Variants in BMP2K observed in about 807,000 individuals in gnomAD.
BMP2K encodes the protein BMP-2-inducible protein kinase.
Under a neutral mutation model 116.0 loss-of-function variants are expected in BMP2K, and 74 were observed. The ratio of observed to expected loss-of-function variants is 0.64; its 90% CI spans 0.53 to 0.77. The LOEUF (loss-of-function observed/expected upper bound fraction) is 0.77. BMP2K is among the 30% of genes least tolerant of loss of function. BMP2K has a pLI of 0.00. For synonymous variants in BMP2K, 486 were observed against 502.5 expected (o/e 0.97, Z 0.44); for missense variants, 1,365 against 1,403.6 (o/e 0.97, Z 0.44).
chr4:78,793,279 G>T (rs1426981880), intron 1 of BMP2K, among the ~76,000 whole-genome samples: 1 of 151,474 alleles, frequency 6.6e-6, no homozygotes, highest in African/African-American at 2.4e-5. Flanking sequence ...GCATAGTGGC[G>T]GGCGCCTGTA....
At chr4:78,814,926 C>A (rs1729261590) in intron 1 of BMP2K, among the ~76,000 whole-genome samples, 1 of 152,024 alleles carries the variant, frequency 6.6e-6, no homozygotes, top group South Asian at 2.1e-4. Context: ...AAGATTCTTT[C>A]ATTTGGCTGA....
At chr4:78,872,567 C>A in intron 12 of BMP2K, 47 bp from the exon 13 acceptor site, 2 of 1,559,372 alleles carry the variant, frequency 1.3e-6, no homozygotes, top group Non-Finnish European at 1.7e-6. Context: ...GCTGACAGTG[C>A]TTTAGGACTG....
At chr4:78,785,075 T>G (rs1727670037) in intron 1 of BMP2K, among the ~76,000 whole-genome samples, 1 of 152,168 alleles carries the variant, frequency 6.6e-6, no homozygotes, top group Admixed American at 6.5e-5. Flanking sequence ...TGGCAATTTA[T>G]TTTTTAATCC....
At position 78,825,008 on chromosome 4, in the gene BMP2K, G is replaced by C. The variant is rs114958575; in HGVS notation, c.179-1029G>C. On this transcript the variant is annotated intron_variant, in intron 1 of 15. Coordinates refer to ENST00000502613, the MANE Select transcript of BMP2K (RefSeq NM_198892.2). Reference sequence around the variant, plus strand: ...TGAAATCAGGAATTCGAGACCAGCAGCCTGGCCAACATAGTGAAGCCTCGT... The same window carrying C: ...TGAAATCAGGAATTCGAGACCAGCACCCTGGCCAACATAGTGAAGCCTCGT... Among the ~76,000 whole-genome samples the C allele has an allele frequency of 8.9e-3, 1,354 of 152,212 alleles. 25 individuals are homozygous for C. The highest frequency in any genetic ancestry group is 0.03 in the African/African-American group (1,266 of 41,518).
chr4:78,866,660 A>T (rs565413982), intron 10 of BMP2K, among the ~76,000 whole-genome samples: 3 of 151,994 alleles, frequency 2.0e-5, no homozygotes, highest in South Asian at 2.1e-4. Flanking sequence ...TTATTTATTT[A>T]TTTTTTTGAG....
intron 13 of BMP2K, among the ~76,000 whole-genome samples, chr4:78,874,972 A>G (rs1439197644): frequency 1.3e-5 from 2 of 152,204 alleles, no homozygotes; most frequent in African/African-American, 4.8e-5. Flanking sequence ...ATTGGGTTGC[A>G]TATCTGGGAA....
At chr4:78,891,558 G>C (rs1577965075) in intron 15 of BMP2K, among the ~76,000 whole-genome samples, 1 of 152,088 alleles carries the variant, frequency 6.6e-6, no homozygotes, top group East Asian at 1.9e-4. Flanking sequence ...GTTCTCCTCT[G>C]TTTTCTAGCT....
chr4:78,891,511 A>G, intron 15 of BMP2K, among the ~76,000 whole-genome samples: 1 of 152,056 alleles, frequency 6.6e-6, no homozygotes, highest in Admixed American at 6.6e-5. Context: ...TTACTAGGAT[A>G]TTGTGCCGTT....
intron 15 of BMP2K, among the ~76,000 whole-genome samples, chr4:78,899,902 G>A (rs1733905342): frequency 6.6e-6 from 1 of 152,126 alleles, no homozygotes; most frequent in African/African-American, 2.4e-5. Context: ...GAGAAAGGTA[G>A]GTAGGTAAGG....
intron 7 of BMP2K, among the ~76,000 whole-genome samples, chr4:78,852,356 T>C (rs1045659457): frequency 6.6e-6 from 1 of 152,166 alleles, no homozygotes; most frequent in Non-Finnish European, 1.5e-5. Flanking sequence ...TCATGTATTA[T>C]GTCTTTGAAC....
chr4:78,849,792 G>A (rs17003467), intron 6 of BMP2K, among the ~76,000 whole-genome samples: 2,976 of 151,630 alleles, frequency 0.02, 98 homozygotes, highest in African/African-American at 0.068. Flanking sequence ...AATTTTTAGA[G>A]CTTTTGAACT....
In BMP2K at chr4:78,864,411, G is replaced by T. The variant is rs1399033417; in HGVS notation, c.1068-1146G>T. Reference sequence around the variant, plus strand: ...TATATATACACCGATATATATATCGGTGTATATATATATGTAATATCTGTA... The same window carrying T: ...TATATATACACCGATATATATATCGTTGTATATATATATGTAATATCTGTA... On this transcript the variant is annotated intron_variant, in intron 9 of 15. Coordinates refer to ENST00000502613, the MANE Select transcript of BMP2K (RefSeq NM_198892.2). Among the ~76,000 whole-genome samples, 6 of 151,118 alleles carry T rather than the reference G, an allele frequency of 4.0e-5. No homozygotes were observed. The East Asian group carries it at 9.7e-4, about 25-fold the overall frequency.
rs1423000637 is a variant in BMP2K at position 78,776,461 on chromosome 4, C to T, written c.-83C>T. 3.7e-6 allele frequency: 4 copies of T among 1,094,678 alleles called. No homozygotes were observed. The highest frequency in any genetic ancestry group is 4.3e-5 in the South Asian group (1 of 23,090). The allele number at this position is 1,094,678 out of a possible 1,614,324, so 67.8% of individuals were successfully genotyped here. The stretch of plus-strand genomic sequence containing the variant: ...CGCTCGGACGGGCCAGGGGCGGCGA[C>T]CCCTCGCGGACGCCCGGCTGCGCGC... On this transcript the variant is annotated 5_prime_UTR_variant, in exon 1 of 16. Coordinates refer to ENST00000502613, the MANE Select transcript of BMP2K (RefSeq NM_198892.2).
intron 1 of BMP2K, among the ~76,000 whole-genome samples, chr4:78,797,161 A>C (rs1728336966): frequency 6.6e-6 from 1 of 152,160 alleles, no homozygotes; most frequent in Non-Finnish European, 1.5e-5. Flanking sequence ...TAAGTATATG[A>C]ATCACCTGGG....
intron 1 of BMP2K, among the ~76,000 whole-genome samples, chr4:78,782,959 T>C (rs1394396478): frequency 6.6e-6 from 1 of 152,200 alleles, no homozygotes; most frequent in East Asian, 1.9e-4. Context: ...ATATCTATTA[T>C]GAAGATTAGA....
At chr4:78,865,749 T>C in intron 10 of BMP2K, 29 bp downstream of exon 10, 1 of 1,606,976 alleles carries the variant, frequency 6.2e-7, no homozygotes, top group Non-Finnish European at 8.5e-7. Context: ...CCTCATCCTC[T>C]TAAAGGTTAA....
At chr4:78,842,256 C>T in intron 3 of BMP2K, 129 bp from the exon 4 acceptor site, 1 of 660,860 alleles carries the variant, frequency 1.5e-6, no homozygotes. Flanking sequence ...ATGTAATAAG[C>T]ATCCTTACAT....
Position 78,805,138 on chromosome 4 carries a change from G to A in BMP2K, c.179-20899G>A, listed in dbSNP as rs368295253. On this transcript the variant is annotated intron_variant, in intron 1 of 15. Coordinates refer to ENST00000502613, the MANE Select transcript of BMP2K (RefSeq NM_198892.2). ...TCATTCATTTGCATGTTAATAGCCA[G>A]TTGTTCCAGCACCATTTATTGAAAA... Among the ~76,000 whole-genome samples, 6 of 152,320 alleles carry A rather than the reference G, an allele frequency of 3.9e-5. No individual in the cohort carries two copies. In the South Asian group the frequency reaches 1.2e-3, roughly 32 times the overall value.
intron 1 of BMP2K, among the ~76,000 whole-genome samples, chr4:78,816,232 G>A (rs1353559305): frequency 6.6e-6 from 1 of 152,038 alleles, no homozygotes; most frequent in Non-Finnish European, 1.5e-5. Context: ...CATAGGCGAT[G>A]CTGTTTACTT....
Sources: gnomAD v4.1 joint callset for allele counts (sites outside exome capture counted in the v4.1 genomes callset) on GRCh38, gnomAD v4.1.1 for gene constraint, MANE v1.5 for transcripts, NCBI Gene and HGNC (gene_info 2026-07-23, HGNC 2026-07-21) for gene names.